KCNU1: variants seen among roughly 807,000 people sequenced by gnomAD.
KCNU1 encodes potassium channel subfamily U member 1.
In KCNU1, 93 loss-of-function variants were observed where a neutral mutation model predicts 126.8. The ratio of observed to expected loss-of-function variants is 0.73; its 90% CI spans 0.62 to 0.87. The LOEUF (loss-of-function observed/expected upper bound fraction) is 0.87, where lower values mean the gene tolerates loss of function less well. KCNU1 is among the 40% of genes least tolerant of loss of function. The pLI is 0.00. For missense variants in KCNU1, 1,330 were observed against 1,367.1 expected (o/e 0.97, Z 0.43); for synonymous variants, 523 against 494.2 (o/e 1.06, Z -0.77).
Position 36,806,293 on chromosome 8 carries a change from A to G in KCNU1, c.493A>G (p.Lys165Glu). The G allele has an allele frequency of 6.2e-7, 1 of 1,610,240 alleles. No individual in the cohort carries two copies. The highest frequency in any genetic ancestry group is 8.5e-7 in the Non-Finnish European group (1 of 1,178,114). Residue 165 changes from lysine (K) to glutamate (E), a missense_variant, in exon 5 of 27, where the codon AAG (lysine) becomes GAG (glutamate). Lys to Glu is a moderately conservative substitution (Grantham distance 56, BLOSUM62 1). Coordinates refer to ENST00000399881, the MANE Select transcript of KCNU1 (RefSeq NM_001031836.3). ...LRFMAADDKI[K>E]FWLEMNSIVD... ...GTTTATGGCAGCTGATGACAAGATC[A>G]AGTTCTGGCTGGAGATGAATTCAAT... is the stretch of plus-strand genomic sequence containing the variant.
chr8:36,837,346 G>A (rs543882359), intron 14 of KCNU1, among the ~76,000 whole-genome samples: 2 of 152,082 alleles, frequency 1.3e-5, no homozygotes, highest in South Asian at 4.2e-4. Context: ...ATAATAATTG[G>A]TATAATAATT....
chr8:36,829,929 A>G (rs1405480026), intron 10 of KCNU1, among the ~76,000 whole-genome samples: 1 of 151,020 alleles, frequency 6.6e-6, no homozygotes, highest in African/African-American at 2.4e-5. Context: ...CAGGAAAAAC[A>G]CAATTAAATT....
chr8:36,884,925 A>G (rs890010895), intron 19 of KCNU1, among the ~76,000 whole-genome samples: 4 of 152,188 alleles, frequency 2.6e-5, no homozygotes, highest in Non-Finnish European at 4.4e-5. Context: ...TACAATAACA[A>G]AAAAACTAAA....
chr8:36,922,875 G>A, intron 24 of KCNU1: 1 of 581,018 alleles, frequency 1.7e-6, no homozygotes, highest in Non-Finnish European at 3.2e-6. Flanking sequence ...ATGCCAGGAA[G>A]AGTGAGTGTC....
intron 10 of KCNU1, among the ~76,000 whole-genome samples, chr8:36,823,013 C>T (rs957036400): frequency 2.6e-5 from 4 of 152,122 alleles, no homozygotes; most frequent in Non-Finnish European, 5.9e-5. Flanking sequence ...CTTCCATGTA[C>T]TTGAAATGTG....
chr8:36,786,711 T>C (rs2130313253), intron 1 of KCNU1, among the ~76,000 whole-genome samples: 1 of 152,304 alleles, frequency 6.6e-6, no homozygotes, highest in Admixed American at 6.5e-5. Context: ...TCCACATCAA[T>C]ATAAAATGTA....
chr8:36,862,168 TATAG>T (rs547435371), intron 18 of KCNU1, among the ~76,000 whole-genome samples: 94 of 152,194 alleles, frequency 6.2e-4, no homozygotes, highest in African/African-American at 2.2e-3. Context: ...AATAGTTAGC[TATAG>T]GTAGGTAGGT....
chr8:36,872,524 C>T (rs1806139909), intron 19 of KCNU1, among the ~76,000 whole-genome samples: 1 of 152,116 alleles, frequency 6.6e-6, no homozygotes, highest in Non-Finnish European at 1.5e-5. Flanking sequence ...AAGCAAGTCA[C>T]TTACTGTCCT....
intron 6 of KCNU1, among the ~76,000 whole-genome samples, chr8:36,807,673 G>GT (rs1335158161): frequency 6.8e-6 from 1 of 146,446 alleles, no homozygotes; most frequent in Admixed American, 6.9e-5. Context: ...TTTAGTCTTT[G>GT]TTTTTTAAGC....
At chr8:36,885,108 G>A (rs1325337183) in intron 19 of KCNU1, among the ~76,000 whole-genome samples, 1 of 152,166 alleles carries the variant, frequency 6.6e-6, no homozygotes, top group Non-Finnish European at 1.5e-5. Context: ...GAGGCTGAGT[G>A]TGGATAAGGT....
chr8:36,846,788 G>GA (rs373337302), intron 18 of KCNU1, among the ~76,000 whole-genome samples: 6,838 of 110,062 alleles, frequency 0.062, 490 homozygotes, highest in African/African-American at 0.18. Flanking sequence ...GCGACAGAGC[G>GA]AAAAAAAAAA....
intron 24 of KCNU1, among the ~76,000 whole-genome samples, chr8:36,929,303 G>A (rs140649229): frequency 6.7e-5 from 10 of 148,644 alleles, no homozygotes; most frequent in East Asian, 2.0e-4. Context: ...AGAATTGCTC[G>A]AATCCAGGAG....
At chr8:36,837,020 A>T (rs1216731514) in intron 14 of KCNU1, 75 bp downstream of exon 14, 1 of 1,456,168 alleles carries the variant, frequency 6.9e-7, no homozygotes. Context: ...ATAGGAAAAA[A>T]ATTTGAGAAA....
At chr8:36,848,479 C>T (rs1388869655) in intron 18 of KCNU1, among the ~76,000 whole-genome samples, 3 of 152,140 alleles carry the variant, frequency 2.0e-5, no homozygotes, top group Non-Finnish European at 4.4e-5. Flanking sequence ...AGAAAGGGGC[C>T]TAGTTTCATT....
chr8:36,876,422 G>A (rs1273397553), intron 19 of KCNU1, among the ~76,000 whole-genome samples: 1 of 152,140 alleles, frequency 6.6e-6, no homozygotes, highest in African/African-American at 2.4e-5. Context: ...TAGGGAATCA[G>A]GAATAAGATC....
At position 36,929,053 on chromosome 8, in the gene KCNU1, G is replaced by T. The variant is rs940968396; in HGVS notation, c.2737-1898G>T. The T allele has an allele frequency of 4.3e-6, 3 of 696,678 alleles. No individual in the cohort carries two copies. In the Admixed American group the frequency reaches 6.1e-5, roughly 14 times the overall value. The allele number at this position is 696,678 out of a possible 1,614,324, so 43.2% of individuals were successfully genotyped here. A position where few individuals can be genotyped will look rare whatever the true frequency, so the allele number is the denominator to read the frequency against. ...CAAGCAATGCTAAAAGGTAAGTATTGCCATGTCAACTTTAAAGATTATAAA... is the reference window on the plus strand; with the variant it reads ...CAAGCAATGCTAAAAGGTAAGTATTTCCATGTCAACTTTAAAGATTATAAA... On this transcript the variant is annotated intron_variant, in intron 24 of 26. Coordinates refer to ENST00000399881, the MANE Select transcript of KCNU1 (RefSeq NM_001031836.3).
chr8:36,864,623 A>AC, intron 19 of KCNU1, 102 bp downstream of exon 19: 2 of 711,792 alleles, frequency 2.8e-6, no homozygotes, highest in Non-Finnish European at 2.5e-6. Flanking sequence ...AAACTCCTAT[A>AC]CTGACCAATG....
At chr8:36,915,780 A>G (rs1017591528) in intron 22 of KCNU1, among the ~76,000 whole-genome samples, 4 of 152,158 alleles carry the variant, frequency 2.6e-5, no homozygotes, top group African/African-American at 7.2e-5. Context: ...CATGTCTCCA[A>G]ACTCAATGAC....
At chr8:36,830,585 GAAAA>G (rs1331484536) in intron 10 of KCNU1, among the ~76,000 whole-genome samples, 1 of 151,868 alleles carries the variant, frequency 6.6e-6, no homozygotes, top group African/African-American at 2.4e-5. Flanking sequence ...AGGCTTTGTA[GAAAA>G]ATGAGATTAT....
Sources: allele counts gnomAD v4.1 joint callset (sites outside exome capture counted in the v4.1 genomes callset), GRCh38; gene constraint gnomAD v4.1.1; transcripts MANE v1.5; gene names NCBI Gene and HGNC (gene_info 2026-07-23, HGNC 2026-07-21).